The following AKR1B10 variants were observed in gnomAD, a reference collection of about 807,000 sequenced individuals.
AKR1B10 encodes the protein ARP.
Under a neutral mutation model 38.9 loss-of-function variants are expected in AKR1B10, and 39 were observed. The observed-to-expected ratio is 1.00, with a 90% CI of 0.78 to 1.31. The LOEUF is 1.31. Ranked by LOEUF, AKR1B10 falls within the 50% of genes most tolerant of loss-of-function variation. The probability of loss-of-function intolerance (pLI) is 0.00; values close to 1 mark genes in which losing one functional copy is unlikely to be tolerated. For missense variants in AKR1B10, 361 were observed against 382.6 expected (o/e 0.94, Z 0.47); for synonymous variants, 148 against 141.2 (o/e 1.05, Z -0.34).
At chr7:134,530,905 A>T (rs572098788) in intron 2 of AKR1B10, 95 bp downstream of exon 2, 1 of 1,471,142 alleles carries the variant, frequency 6.8e-7, no homozygotes, top group Non-Finnish European at 9.2e-7. Context: ...CCTTTTCTAC[A>T]TGTACCCCTT....
At chr7:134,537,840 G>A (rs984550716) in intron 7 of AKR1B10, among the ~76,000 whole-genome samples, 179 bp downstream of exon 7, 2 of 152,006 alleles carry the variant, frequency 1.3e-5, no homozygotes, top group African/African-American at 4.8e-5. Flanking sequence ...TGTCACTGAA[G>A]CAAAGATAGC....
chr7:134,532,282 C>A (rs1807882157), intron 3 of AKR1B10, among the ~76,000 whole-genome samples: 1 of 152,170 alleles, frequency 6.6e-6, no homozygotes, highest in African/African-American at 2.4e-5. Context: ...TGATTTCTGG[C>A]AGCCCAGACA....
At position 134,537,643 on chromosome 7, in the gene AKR1B10, C is replaced by CA. The variant is rs1333065534; in HGVS notation, c.730dup (p.Thr244AsnfsTer29). 9 of 1,614,046 alleles carry CA rather than the reference C, an allele frequency of 5.6e-6. No homozygotes were observed. The highest frequency in any genetic ancestry group is 2.2e-5 in the East Asian group (1 of 44,876). The stretch of plus-strand genomic sequence containing the variant: ...AGATTAAGGAGATTGCTGCAAAGCA[C>CA]AAAAAAACCGCAGCCCAGGTGCCAT... On this transcript the variant is annotated frameshift_variant, in exon 7 of 10. Coordinates refer to ENST00000359579, the MANE Select transcript of AKR1B10 (RefSeq NM_020299.5). LOFTEE classifies it high-confidence loss of function.
Position 134,532,036 on chromosome 7 carries a change from T to C in AKR1B10, c.351+12T>C. ...CACAGGGATTCAAGGTTTAAGACAC[T>C]CTCTTTCTCAGCCTCTAGTTTCTGA... On this transcript the variant is annotated intron_variant, in intron 3 of 9. Coordinates refer to ENST00000359579, the MANE Select transcript of AKR1B10 (RefSeq NM_020299.5). 1 of 1,613,308 alleles carries C rather than the reference T, an allele frequency of 6.2e-7. No individual in the cohort carries two copies. Among genetic ancestry groups the C allele is most frequent in the Non-Finnish European group, 8.5e-7 (1 of 1,179,808 alleles).
intron 3 of AKR1B10, 110 bp downstream of exon 3, chr7:134,532,134 C>G: frequency 7.5e-7 from 1 of 1,325,172 alleles, no homozygotes; most frequent in South Asian, 1.3e-5. Flanking sequence ...CCTTGCATTT[C>G]ATAATTGGGA....
At chr7:134,537,694 A>C (rs372424940) in intron 7 of AKR1B10, 33 bp downstream of exon 7, 473 of 1,609,598 alleles carry the variant, frequency 2.9e-4, no homozygotes, top group Non-Finnish European at 3.8e-4. Context: ...GTTATCCAAC[A>C]ACTCATTCTT....
intron 4 of AKR1B10, among the ~76,000 whole-genome samples, chr7:134,534,252 G>A (rs768142852): frequency 4.6e-5 from 7 of 152,102 alleles, no homozygotes; most frequent in African/African-American, 7.2e-5. Flanking sequence ...CTCCTGAGTC[G>A]CTGGGACTAG....
chr7:134,528,094 C>G (rs2117531461), intron 1 of AKR1B10, 117 bp downstream of exon 1: 2 of 1,339,134 alleles, frequency 1.5e-6, no homozygotes, highest in Non-Finnish European at 1.0e-6. Context: ...AGGTAAGATT[C>G]AGCCCTGGAG....
intron 2 of AKR1B10, among the ~76,000 whole-genome samples, chr7:134,531,436 T>C (rs1807853179): frequency 6.6e-6 from 1 of 152,174 alleles, no homozygotes; most frequent in Non-Finnish European, 1.5e-5. Context: ...CCTCACTGTG[T>C]AGCAGCCAAG....
At chr7:134,532,569 C>A (rs1042356523) in intron 3 of AKR1B10, among the ~76,000 whole-genome samples, 2 of 152,172 alleles carry the variant, frequency 1.3e-5, no homozygotes, top group African/African-American at 4.8e-5. Context: ...TCCTGACCAA[C>A]TGGAGTGATG....
At chr7:134,528,396 G>T (rs190547991) in intron 1 of AKR1B10, among the ~76,000 whole-genome samples, 4 of 152,164 alleles carry the variant, frequency 2.6e-5, no homozygotes, top group Admixed American at 1.3e-4. Context: ...TGAGACTTGG[G>T]CTAGCAGCAT....
intron 9 of AKR1B10, among the ~76,000 whole-genome samples, chr7:134,540,219 GAA>G (rs200867855): frequency 7.0e-6 from 1 of 143,118 alleles, no homozygotes; most frequent in South Asian, 2.2e-4. Flanking sequence ...CTCTGTCTCA[GAA>G]AAAAAAAAAA....
chr7:134,541,121 A>T lies in AKR1B10; in HGVS notation c.*32A>T. ...ATCTCCTGGTGAGATTATACAGGAG[A>T]TTCTCTTTCTTCGCTGAAGTGTGAC... On this transcript the variant is annotated 3_prime_UTR_variant, in exon 10 of 10. Coordinates refer to ENST00000359579, the MANE Select transcript of AKR1B10 (RefSeq NM_020299.5). 2 of 1,502,556 alleles carry T rather than the reference A, an allele frequency of 1.3e-6. No homozygotes were observed. Among genetic ancestry groups the T allele is most frequent in the Non-Finnish European group, 1.8e-6 (2 of 1,085,634 alleles). 93.1% of individuals were successfully genotyped at this position (1,502,556 alleles called of 1,614,324 possible). A position where few individuals can be genotyped will look rare whatever the true frequency, so the allele number is the denominator to read the frequency against.
intron 5 of AKR1B10, 38 bp from the exon 6 acceptor site, chr7:134,537,013 C>A (rs1381452081): frequency 1.3e-6 from 2 of 1,553,516 alleles, no homozygotes; most frequent in African/African-American, 1.4e-5. Context: ...CAAAACAGAG[C>A]CGGCTTTCCC....
At chr7:134,528,077 G>A in intron 1 of AKR1B10, 100 bp downstream of exon 1, 1 of 1,460,830 alleles carries the variant, frequency 6.8e-7, no homozygotes, top group Non-Finnish European at 9.4e-7. Context: ...TCGGGCAGGG[G>A]TTGGAGAGGT....
In AKR1B10 at chr7:134,530,737, A is replaced by G; in HGVS notation, c.161A>G (p.Glu54Gly). 2.5e-6 allele frequency: 4 copies of G among 1,614,062 alleles called. No individual in the cohort carries two copies. The highest frequency in any genetic ancestry group is 3.4e-6 in the Non-Finnish European group (4 of 1,179,954). ...GCCTATGTCTATCAGAATGAACATG[A>G]AGTGGGGGAAGCCATCCAAGAGAAG... ...DCAYVYQNEH[E>G]VGEAIQEKIQ... Residue 54 changes from glutamate to glycine, a missense_variant, in exon 2 of 10, where the codon GAA (glutamate) becomes GGA (glycine). By Grantham distance (98) the Glu-to-Gly change is moderately conservative. Transcript: ENST00000359579.
chr7:134,533,111 G>T (rs556396972), intron 4 of AKR1B10, 30 bp downstream of exon 4: 2 of 1,543,198 alleles, frequency 1.3e-6, no homozygotes, highest in Admixed American at 4.3e-5. Flanking sequence ...TAAGTGTGCT[G>T]GGAGAGAAAT....
chr7:134,530,432 G>A (rs1807817373), intron 1 of AKR1B10, among the ~76,000 whole-genome samples: 1 of 152,192 alleles, frequency 6.6e-6, no homozygotes, highest in African/African-American at 2.4e-5. Context: ...TGAGGCCTTG[G>A]TTTGGAGAAA....
intron 9 of AKR1B10, among the ~76,000 whole-genome samples, chr7:134,539,228 G>C (rs1808088108): frequency 6.6e-6 from 1 of 152,156 alleles, no homozygotes; most frequent in Admixed American, 6.5e-5. Flanking sequence ...TGGATGTAGA[G>C]CTAGAATCAT....
Sources: allele counts gnomAD v4.1 joint callset (sites outside exome capture counted in the v4.1 genomes callset), GRCh38; gene constraint gnomAD v4.1.1; transcripts MANE v1.5; gene names NCBI Gene and HGNC (gene_info 2026-07-23, HGNC 2026-07-21).